Variants in RHOJ observed in about 807,000 individuals in gnomAD.
RHOJ encodes rho-related GTP-binding protein RhoJ.
RHOJ carries 11 observed loss-of-function variants against 23.4 expected under a neutral mutation model. The observed-to-expected ratio is 0.47, with a 90% CI of 0.30 to 0.78. RHOJ has a LOEUF of 0.78. Ranked by LOEUF, RHOJ falls within the 30% of genes least tolerant of loss-of-function variation. The probability of loss-of-function intolerance (pLI) is 0.08; values close to 1 mark genes in which losing one functional copy is unlikely to be tolerated. For missense variants in RHOJ, 254 were observed against 273.4 expected (o/e 0.93, Z 0.50); for synonymous variants, 102 against 102.7 (o/e 0.99, Z 0.04).
At chr14:63,248,286 G>C (rs376845269) in intron 1 of RHOJ, among the ~76,000 whole-genome samples, 2 of 152,254 alleles carry the variant, frequency 1.3e-5, no homozygotes, top group South Asian at 4.1e-4. Context: ...GCAACTAAAA[G>C]AAGTGGAACA....
intron 1 of RHOJ, among the ~76,000 whole-genome samples, chr14:63,218,466 A>G (rs1894413178): frequency 6.6e-6 from 1 of 152,216 alleles, no homozygotes; most frequent in Non-Finnish European, 1.5e-5. Flanking sequence ...ATTACCATAG[A>G]TCACTGTGTT....
At chr14:63,282,268 TCA>T (rs1881930711) in intron 3 of RHOJ, among the ~76,000 whole-genome samples, 1 of 146,250 alleles carries the variant, frequency 6.8e-6, no homozygotes, top group African/African-American at 2.7e-5. Flanking sequence ...TGAACAATTA[TCA>T]CACACACAAA....
rs545402833 is a variant in RHOJ, at chr14:63,208,946, A to G, written c.178+3899A>G. 3.3e-5 allele frequency among the ~76,000 whole-genome samples: 5 copies of G among 152,230 alleles called. No individual in the cohort carries two copies. The East Asian group carries it at 5.8e-4, about 18-fold the overall frequency. ...ACTCTTCCCCTAGGCTTCCCCATGT[A>G]TGTACATGACCACTCTTTTCCACCC... On this transcript the variant is annotated intron_variant, in intron 1 of 4. Transcript: ENST00000316754.
At chr14:63,251,470 T>C (rs1895070405) in intron 1 of RHOJ, among the ~76,000 whole-genome samples, 1 of 152,198 alleles carries the variant, frequency 6.6e-6, no homozygotes, top group Non-Finnish European at 1.5e-5. Flanking sequence ...GTCTCAATTC[T>C]AGAAATAGTG....
At chr14:63,258,706 A>G (rs1197008799) in intron 1 of RHOJ, among the ~76,000 whole-genome samples, 3 of 152,188 alleles carry the variant, frequency 2.0e-5, no homozygotes, top group Non-Finnish European at 4.4e-5. Context: ...TAAAGAGGGT[A>G]GAAGCAAAGC....
chr14:63,263,909 C>G (rs1049339837), intron 1 of RHOJ, among the ~76,000 whole-genome samples: 2 of 152,084 alleles, frequency 1.3e-5, no homozygotes, highest in Admixed American at 6.5e-5. Context: ...CTGTTCCTCC[C>G]CCAGTGCACC....
At chr14:63,246,909 G>T (rs1894985438) in intron 1 of RHOJ, among the ~76,000 whole-genome samples, 1 of 152,184 alleles carries the variant, frequency 6.6e-6, no homozygotes, top group Non-Finnish European at 1.5e-5. Flanking sequence ...ACAGGTTTAT[G>T]AGAGGGGGCT....
chr14:63,227,433 C>T (rs868601005), intron 1 of RHOJ, among the ~76,000 whole-genome samples: 20 of 151,992 alleles, frequency 1.3e-4, no homozygotes, highest in Middle Eastern at 6.8e-3. Flanking sequence ...GTAATACATA[C>T]GAATATAACA....
At chr14:63,268,000 A>G (rs1279303321) in intron 1 of RHOJ, among the ~76,000 whole-genome samples, 2 of 152,228 alleles carry the variant, frequency 1.3e-5, no homozygotes, top group Non-Finnish European at 1.5e-5. Flanking sequence ...AGTAAAATCA[A>G]TACCGAATCA....
chr14:63,291,172 C>A lies in RHOJ; in HGVS notation c.*148C>A. ...CCCATCACCCTCTGAGCCCTCCCAACACAGCACACTAGTCAGCCCACTGCC... is the reference window on the plus strand; with the variant it reads ...CCCATCACCCTCTGAGCCCTCCCAAAACAGCACACTAGTCAGCCCACTGCC... On this transcript the variant is annotated 3_prime_UTR_variant, in exon 5 of 5. Coordinates refer to ENST00000316754, the MANE Select transcript of RHOJ (RefSeq NM_020663.5). 1.2e-6 allele frequency: 1 copy of A among 854,920 alleles called. No individual in the cohort carries two copies. Among genetic ancestry groups the A allele is most frequent in the Non-Finnish European group, 1.9e-6 (1 of 523,326 alleles). The allele number at this position is 854,920 out of a possible 1,614,324, so 53.0% of individuals were successfully genotyped here.
chr14:63,219,895 C>T (rs1440146985), intron 1 of RHOJ, among the ~76,000 whole-genome samples: 1 of 152,032 alleles, frequency 6.6e-6, no homozygotes, highest in Admixed American at 6.6e-5. Flanking sequence ...GGGGAATGCG[C>T]ATCTCTCTAA....
intron 4 of RHOJ, chr14:63,284,242 A>G: frequency 1.0e-6 from 1 of 985,294 alleles, no homozygotes; most frequent in Non-Finnish European, 1.2e-6. Context: ...TCAACTAGAA[A>G]TGAATTAAAT....
intron 1 of RHOJ, among the ~76,000 whole-genome samples, chr14:63,258,228 C>CA (rs1300550864): frequency 0.15 from 10,344 of 68,248 alleles, 698 homozygotes; most frequent in African/African-American, 0.3. Context: ...AACTCTGTCC[C>CA]AAAAAAAAAA....
chr14:63,250,611 C>T (rs1474111008), intron 1 of RHOJ, among the ~76,000 whole-genome samples: 1 of 152,176 alleles, frequency 6.6e-6, no homozygotes, highest in Admixed American at 6.5e-5. Context: ...CATACACACA[C>T]ACACAAATAC....
chr14:63,219,639 A>T (rs1894441714), intron 1 of RHOJ, among the ~76,000 whole-genome samples: 1 of 152,070 alleles, frequency 6.6e-6, no homozygotes, highest in African/African-American at 2.4e-5. Flanking sequence ...AACATGGTGA[A>T]ACCCTGTCTC....
chr14:63,250,504 T>G (rs537399854), intron 1 of RHOJ, among the ~76,000 whole-genome samples: 2 of 152,286 alleles, frequency 1.3e-5, no homozygotes, highest in Non-Finnish European at 2.9e-5. Context: ...CTCCCCAAAG[T>G]GCTGGGATTA....
chr14:63,273,245 G>T (rs116090290), intron 2 of RHOJ, among the ~76,000 whole-genome samples: 5 of 152,170 alleles, frequency 3.3e-5, no homozygotes, highest in Non-Finnish European at 7.3e-5. Flanking sequence ...TTTTCTCAGG[G>T]TGAGTGCATG....
chr14:63,225,538 T>C (rs1174946782), intron 1 of RHOJ, among the ~76,000 whole-genome samples: 2 of 152,230 alleles, frequency 1.3e-5, no homozygotes, highest in Non-Finnish European at 2.9e-5. Flanking sequence ...TTGAGACTTC[T>C]GATATGACCA....
intron 1 of RHOJ, among the ~76,000 whole-genome samples, chr14:63,230,841 CTTT>C (rs57848893): frequency 8.4e-5 from 8 of 95,240 alleles, no homozygotes; most frequent in Non-Finnish European, 6.0e-5. Flanking sequence ...GGGTACAAGG[CTTT>C]TTTTTTTTTT....
Sources: gnomAD v4.1 joint callset for allele counts (sites outside exome capture counted in the v4.1 genomes callset) on GRCh38, gnomAD v4.1.1 for gene constraint, MANE v1.5 for transcripts, NCBI Gene and HGNC (gene_info 2026-07-23, HGNC 2026-07-21) for gene names.